The following ERN1 variants were observed in gnomAD, a reference collection of about 807,000 sequenced individuals.
The protein encoded by ERN1 is endoplasmic reticulum to nucleus signaling 1.
A neutral mutation model predicts 113.1 loss-of-function variants in ERN1; 39 were observed. The ratio of observed to expected loss-of-function variants is 0.34; its 90% confidence interval spans 0.27 to 0.45. ERN1 has a LOEUF of 0.45. ERN1 is among the 20% of genes least tolerant of loss of function. The pLI, the probability that ERN1 is intolerant of heterozygous loss-of-function variation, is 1.00. For synonymous variants in ERN1, 507 were observed against 515.9 expected, an observed-to-expected ratio of 0.98 and a Z score of 0.23; for missense variants, 976 against 1,274.8, an observed-to-expected ratio of 0.77 and a Z score of 3.57.
chr17:64,045,215 A>G, intron 20 of ERN1, 144 bp downstream of exon 20: 1 of 914,904 alleles, frequency 1.1e-6, no homozygotes, highest in Non-Finnish European at 1.7e-6. Context: ...ACCAAACCAC[A>G]GAGGACACAC....
chr17:64,044,058 C>G lies in ERN1; in HGVS notation c.2864G>C (p.Arg955Thr). ...YRAMELCSHE[R>T]LFQPYYFHEP... ...GTGGAAGTAGTAGGGCTGGAAGAGT[C>G]TCTCGTGGCTGCACAGCTCCATGGC... Residue 955 changes from arginine (R) to threonine (T), a missense_variant, in exon 22 of 22, where the codon AGA becomes ACA. By Grantham distance (71) the Arg-to-Thr change is moderately conservative. Coordinates refer to ENST00000433197, the MANE Select transcript of ERN1 (RefSeq NM_001433.5). The surrounding 1 kb of genome is among the most constrained non-coding windows in gnomAD (Gnocchi z 4.1). 6.2e-7 allele frequency: 1 copy of G among 1,613,706 alleles called. No individual in the cohort carries two copies. Among genetic ancestry groups the G allele is most frequent in the Non-Finnish European group, 8.5e-7 (1 of 1,179,804 alleles).
chr17:64,077,724 A>G (rs1431877581), intron 4 of ERN1, among the ~76,000 whole-genome samples: 1 of 150,156 alleles, frequency 6.7e-6, no homozygotes, highest in Non-Finnish European at 1.5e-5. Flanking sequence ...GCACATGTCC[A>G]TTGGTGAACA....
At chr17:64,091,971 G>A (rs1272637192) in intron 2 of ERN1, among the ~76,000 whole-genome samples, 1 of 152,146 alleles carries the variant, frequency 6.6e-6, no homozygotes, top group Non-Finnish European at 1.5e-5. Flanking sequence ...ACTGATGCAG[G>A]CACAACGCCA....
chr17:64,089,422 C>T (rs918964789), intron 2 of ERN1, among the ~76,000 whole-genome samples: 3 of 151,392 alleles, frequency 2.0e-5, no homozygotes, highest in East Asian at 3.9e-4. Context: ...GAAGCCTGAG[C>T]GCCAACGTGA....
chr17:64,051,665 A>C (rs1158763270), intron 17 of ERN1, among the ~76,000 whole-genome samples: 1 of 152,240 alleles, frequency 6.6e-6, no homozygotes, highest in Non-Finnish European at 1.5e-5. Context: ...TCAACATGGA[A>C]CAAAATATAG....
chr17:64,050,042 T>G (rs761143199), intron 17 of ERN1, among the ~76,000 whole-genome samples: 1 of 152,062 alleles, frequency 6.6e-6, no homozygotes, highest in African/African-American at 2.4e-5. Flanking sequence ...CACAACAACC[T>G]TGTGAGGCGA....
intron 2 of ERN1, 75 bp downstream of exon 2, chr17:64,098,046 T>C: frequency 6.4e-7 from 1 of 1,556,440 alleles, no homozygotes. Context: ...TAATGTTTTC[T>C]CTTTCTCCAG....
rs780676379 is a variant in ERN1, at chr17:64,058,010, T to C, written c.1207-17A>G. Reference sequence around the variant, plus strand: ...GTTGATAACCTTGCATGGGAGAGAGTTGCGACATCACTGCAAAATTTCTAG... The same window carrying C: ...GTTGATAACCTTGCATGGGAGAGAGCTGCGACATCACTGCAAAATTTCTAG... On this transcript the variant is annotated splice_polypyrimidine_tract_variant and intron_variant, in intron 11 of 21. Coordinates refer to ENST00000433197, the MANE Select transcript of ERN1 (RefSeq NM_001433.5). 2 of 1,505,080 alleles carry C rather than the reference T, an allele frequency of 1.3e-6. No homozygotes were observed. Among genetic ancestry groups the C allele is most frequent in the Admixed American group, 2.3e-5 (1 of 42,720 alleles). The allele number at this position is 1,505,080 out of a possible 1,614,324, so 93.2% of individuals were successfully genotyped here. A position where few individuals can be genotyped will look rare whatever the true frequency, so the allele number is the denominator to read the frequency against.
At chr17:64,119,234 T>C (rs1027641291) in intron 1 of ERN1, among the ~76,000 whole-genome samples, 2 of 152,064 alleles carry the variant, frequency 1.3e-5, no homozygotes, top group Admixed American at 6.5e-5. Flanking sequence ...TGTTTTAATA[T>C]AAGGCCTATT....
chr17:64,099,652 T>C (rs962884012), intron 1 of ERN1, among the ~76,000 whole-genome samples: 4 of 152,058 alleles, frequency 2.6e-5, no homozygotes, highest in Admixed American at 6.5e-5. Context: ...TATTTGTGCA[T>C]GGGAGCCTGA....
intron 12 of ERN1, 141 bp from the exon 13 acceptor site, chr17:64,056,089 G>A: frequency 7.6e-7 from 1 of 1,321,936 alleles, no homozygotes; most frequent in Non-Finnish European, 1.0e-6. Flanking sequence ...CAGTGAGAAG[G>A]CACCTGGAAG....
chr17:64,072,173 C>G, intron 5 of ERN1, 70 bp from the exon 6 acceptor site: 1 of 1,542,690 alleles, frequency 6.5e-7, no homozygotes, highest in Non-Finnish European at 8.9e-7. Flanking sequence ...AACTAGCAGC[C>G]AAGATGCTCT....
At chr17:64,092,287 T>C (rs1447420920) in intron 2 of ERN1, among the ~76,000 whole-genome samples, 2 of 152,054 alleles carry the variant, frequency 1.3e-5, no homozygotes. Flanking sequence ...CTATTTTCTC[T>C]AGTTTCTATA....
At chr17:64,110,693 A>T (rs1315406264) in intron 1 of ERN1, among the ~76,000 whole-genome samples, 1 of 152,250 alleles carries the variant, frequency 6.6e-6, no homozygotes, top group Non-Finnish European at 1.5e-5. Context: ...ATGCTCACAC[A>T]AAAGAAAGCC....
chr17:64,086,363 C>A (rs76593646), intron 2 of ERN1, among the ~76,000 whole-genome samples: 2 of 152,158 alleles, frequency 1.3e-5, no homozygotes, highest in Admixed American at 1.3e-4. Flanking sequence ...CACAAATGAC[C>A]ACGTCATAGA....
intron 12 of ERN1, among the ~76,000 whole-genome samples, chr17:64,056,866 G>A (rs1238589452): frequency 6.6e-6 from 1 of 152,194 alleles, no homozygotes; most frequent in Non-Finnish European, 1.5e-5. Flanking sequence ...AAACTATCAG[G>A]TGCAGACGTG....
At chr17:64,061,832 C>T (rs771067443) in intron 10 of ERN1, among the ~76,000 whole-genome samples, 2 of 152,216 alleles carry the variant, frequency 1.3e-5, no homozygotes, top group Non-Finnish European at 2.9e-5. Flanking sequence ...TTCCACATGC[C>T]ACGCTGTGCA....
chr17:64,079,083 T>A (rs775484582), intron 4 of ERN1, among the ~76,000 whole-genome samples: 1 of 152,188 alleles, frequency 6.6e-6, no homozygotes, highest in Non-Finnish European at 1.5e-5. Flanking sequence ...TGTGTGGGCC[T>A]GTTTCTAAAT....
At position 64,121,948 on chromosome 17, in the gene ERN1, T is replaced by TAA. The variant is rs201527711; in HGVS notation, c.54+8026_54+8027dup. ...ACAAAGGGTAGAAGGCCATGATTCT[T>TAA]AACGGAGGAAAAATAACATTATCTG... On this transcript the variant is annotated intron_variant, in intron 1 of 21. Transcript: ENST00000433197. Among the ~76,000 whole-genome samples the TAA allele has an allele frequency of 6.9e-3, 1,053 of 152,286 alleles. 9 individuals carry two copies. The highest frequency in any genetic ancestry group is 0.024 in the African/African-American group (1,011 of 41,560).
Sources: gnomAD v4.1 joint callset for allele counts (sites outside exome capture counted in the v4.1 genomes callset) on GRCh38, gnomAD v4.1.1 for gene constraint, Gnocchi (gnomAD v3.1) non-coding constraint, MANE v1.5 for transcripts, NCBI Gene and HGNC (gene_info 2026-07-23, HGNC 2026-07-21) for gene names.